DCC: variants seen among roughly 807,000 people sequenced by gnomAD.
DCC encodes DCC netrin 1 receptor.
DCC carries 58 observed loss-of-function variants against 172.5 expected under a neutral mutation model. That is an observed-to-expected ratio of 0.34 (90% CI 0.27 to 0.42). The LOEUF (loss-of-function observed/expected upper bound fraction) is 0.42, where lower values mean the gene tolerates loss of function less well. Among genes scored for constraint, DCC ranks in the 10% least tolerant of loss-of-function variants. The pLI is 1.00. For synonymous variants in DCC, 709 were observed against 644.5 expected (o/e 1.10, Z -1.52); for missense variants, 1,740 against 1,791.0 (o/e 0.97, Z 0.51).
At chr18:52,853,863 T>G (rs1192912914) in intron 2 of DCC, among the ~76,000 whole-genome samples, 2 of 152,170 alleles carry the variant, frequency 1.3e-5, no homozygotes, top group Non-Finnish European at 2.9e-5. Flanking sequence ...CTGCCTAACT[T>G]CGGGGTAGGA....
chr18:53,057,277 A>C (rs143332935), intron 5 of DCC, among the ~76,000 whole-genome samples: 16 of 152,200 alleles, frequency 1.1e-4, no homozygotes, highest in African/African-American at 3.9e-4. Flanking sequence ...AGAAACGTTT[A>C]AAAAGAAAAA....
chr18:52,816,391 A>T (rs1297239142), intron 2 of DCC, among the ~76,000 whole-genome samples: 1 of 152,232 alleles, frequency 6.6e-6, no homozygotes, highest in Admixed American at 6.5e-5. Flanking sequence ...CTCACAGTGA[A>T]TGTTCCCGGC....
intron 12 of DCC, among the ~76,000 whole-genome samples, chr18:53,261,794 C>T (rs146728157): frequency 6.2e-4 from 94 of 152,202 alleles, no homozygotes; most frequent in African/African-American, 1.8e-3. Flanking sequence ...CCACTGCGAC[C>T]GGCCATTTAT....
At chr18:53,208,314 T>C (rs1291754963) in intron 11 of DCC, among the ~76,000 whole-genome samples, 2 of 151,824 alleles carry the variant, frequency 1.3e-5, no homozygotes, top group South Asian at 4.1e-4. Context: ...TATATACATA[T>C]GTATATACTC....
chr18:52,428,842 T>G (rs1238014366), intron 1 of DCC, among the ~76,000 whole-genome samples: 1 of 152,118 alleles, frequency 6.6e-6, no homozygotes, highest in Non-Finnish European at 1.5e-5. Context: ...GAAACACTGG[T>G]GAAATGCAAA....
At chr18:53,477,973 C>T (rs2045786278) in intron 25 of DCC, among the ~76,000 whole-genome samples, 1 of 152,120 alleles carries the variant, frequency 6.6e-6, no homozygotes, top group South Asian at 2.1e-4. Context: ...CTGTTTCTTA[C>T]TATAATGAAA....
chr18:52,361,991 C>T (rs536114523), intron 1 of DCC, among the ~76,000 whole-genome samples: 2 of 152,342 alleles, frequency 1.3e-5, no homozygotes, highest in African/African-American at 2.4e-5. Context: ...GGTCATGACA[C>T]ACATTCTCAT....
intron 15 of DCC, among the ~76,000 whole-genome samples, chr18:53,375,197 A>G (rs977001471): frequency 2.0e-5 from 3 of 152,128 alleles, no homozygotes; most frequent in African/African-American, 7.2e-5. Context: ...TCAGGTTCAT[A>G]TACTAACCTC....
At chr18:52,850,781 G>T (rs937231077) in intron 2 of DCC, among the ~76,000 whole-genome samples, 6 of 151,926 alleles carry the variant, frequency 3.9e-5, no homozygotes, top group African/African-American at 1.4e-4. Context: ...GAGTCCTATT[G>T]TGTTTTTCTA....
Position 52,487,543 on chromosome 18 carries a change from G to T in DCC, c.91+146665G>T, listed in dbSNP as rs115454816. 3.9e-5 allele frequency among the ~76,000 whole-genome samples: 6 copies of T among 152,084 alleles called. No individual in the cohort carries two copies. In the East Asian group the frequency reaches 5.8e-4, roughly 15 times the overall value. ...TAGAGGAAGTAGACCGGGCACGGTG[G>T]CTCACGCCTGTAATCCCAGCACTTT... On this transcript the variant is annotated intron_variant, in intron 1 of 28. Coordinates refer to ENST00000442544, the MANE Select transcript of DCC (RefSeq NM_005215.4).
At chr18:53,096,767 G>A (rs2043093627) in intron 7 of DCC, among the ~76,000 whole-genome samples, 1 of 152,058 alleles carries the variant, frequency 6.6e-6, no homozygotes, top group African/African-American at 2.4e-5. Context: ...CTAAGCAATT[G>A]TTTAAAAATC....
chr18:52,881,317 T>A (rs914718660), intron 2 of DCC, among the ~76,000 whole-genome samples: 2 of 151,970 alleles, frequency 1.3e-5, no homozygotes, highest in Admixed American at 1.3e-4. Context: ...CCTTTTCATG[T>A]TGACTGTTCT....
chr18:53,410,530 T>C lies in DCC; in HGVS notation c.3014T>C (p.Leu1005Pro). 6.2e-7 allele frequency: 1 copy of C among 1,607,448 alleles called. No individual in the cohort carries two copies. The highest frequency in any genetic ancestry group is 8.5e-7 in the Non-Finnish European group (1 of 1,173,910). The change falls in exon 20 of 29, where the codon CTT becomes CCT. Residue 1005 changes from leucine (L) to proline (P), a missense_variant. By Grantham distance (98) the Leu-to-Pro change is moderately conservative (BLOSUM62 -3). Around this residue, in one of 2 missense-constraint regions of DCC, gnomAD observed 1,732 missense variants for 1,767.4 expected, o/e 0.98. Coordinates refer to ENST00000442544, the MANE Select transcript of DCC (RefSeq NM_005215.4). ...WIMETISGDR[L>P]THQIMDLNLD... ...ATGGAAACAATCAGTGGTGATAGGC[T>C]TACTCATCAAATCATGGATCTCAAC...
In DCC at chr18:52,656,306, A is replaced by G. The variant is rs570153981; in HGVS notation, c.92-95748A>G. 3.3e-5 allele frequency among the ~76,000 whole-genome samples: 5 copies of G among 152,048 alleles called. No homozygotes were observed. In the South Asian group the frequency reaches 8.3e-4, roughly 25 times the overall value. ...CGTGCCCTTATAGCAGAGACCTCAG[A>G]GACCTCCCTCACTTCTCCAGCCATG... is the stretch of plus-strand genomic sequence containing the variant. On this transcript the variant is annotated intron_variant, in intron 1 of 28. Coordinates refer to ENST00000442544, the MANE Select transcript of DCC (RefSeq NM_005215.4).
chr18:53,039,012 A>G (rs1029585808), intron 5 of DCC, among the ~76,000 whole-genome samples: 5 of 152,010 alleles, frequency 3.3e-5, no homozygotes, highest in Admixed American at 3.3e-4. Flanking sequence ...GGGAAAAAAT[A>G]TCTTGGAGAA....
chr18:52,558,064 T>A (rs1181926611), intron 1 of DCC, among the ~76,000 whole-genome samples: 2 of 152,162 alleles, frequency 1.3e-5, no homozygotes, highest in South Asian at 4.1e-4. Flanking sequence ...TTTTAATTTG[T>A]GAGCTTTTCA....
At chr18:52,937,769 C>A (rs2040402298) in intron 5 of DCC, among the ~76,000 whole-genome samples, 4 of 152,098 alleles carry the variant, frequency 2.6e-5, no homozygotes, top group Admixed American at 2.6e-4. Flanking sequence ...GCATGAGTTA[C>A]CACACCCAGC....
rs566641308 is a variant in DCC, at chr18:53,463,141, C to T, written c.3619+3683C>T. Among the ~76,000 whole-genome samples, 10 of 152,328 alleles carry T rather than the reference C, an allele frequency of 6.6e-5. No individual in the cohort carries two copies. The South Asian group carries it at 1.9e-3, about 28-fold the overall frequency. The stretch of plus-strand genomic sequence containing the variant: ...GATATCAGGGAGGGGAGAGCACCTC[C>T]ACCTCCCACTGAAAGGGATAGAATT... On this transcript the variant is annotated intron_variant, in intron 24 of 28. Coordinates refer to ENST00000442544, the MANE Select transcript of DCC (RefSeq NM_005215.4).
At chr18:53,416,729 T>C (rs138828635) in intron 21 of DCC, among the ~76,000 whole-genome samples, 370 of 152,280 alleles carry the variant, frequency 2.4e-3, no homozygotes, top group African/African-American at 8.6e-3. Context: ...CCTTATTTAT[T>C]TACTAAAAGC....
Sources: allele counts gnomAD v4.1 joint callset (sites outside exome capture counted in the v4.1 genomes callset), GRCh38; gene constraint gnomAD v4.1.1; regional missense constraint gnomAD v4.1.1; transcripts MANE v1.5; gene names NCBI Gene and HGNC (gene_info 2026-07-23, HGNC 2026-07-21).